Variants in DLGAP2 observed in about 807,000 individuals in gnomAD.
The protein encoded by DLGAP2 is disks large-associated protein 2.
DLGAP2 carries 26 observed loss-of-function variants against 100.3 expected under a neutral mutation model. That is an observed-to-expected ratio of 0.26 (90% confidence interval 0.19 to 0.36). The LOEUF (loss-of-function observed/expected upper bound fraction) is 0.36. Ranked by LOEUF, DLGAP2 falls within the 10% of genes least tolerant of loss-of-function variation. The probability of loss-of-function intolerance (pLI) is 1.00; values close to 1 mark genes in which losing one functional copy is unlikely to be tolerated. For synonymous variants in DLGAP2, 886 were observed against 630.1 expected (o/e 1.41, Z -6.08); for missense variants, 1,858 against 1,453.2 (o/e 1.28, Z -4.53).
chr8:1,673,009 G>A (rs1563054957), intron 10 of DLGAP2, among the ~76,000 whole-genome samples: 1 of 152,380 alleles, frequency 6.6e-6, no homozygotes, highest in East Asian at 1.9e-4. Flanking sequence ...GGGCTCAGAG[G>A]AGGCTGGTTG....
intron 3 of DLGAP2, among the ~76,000 whole-genome samples, chr8:1,260,904 G>A (rs766664883): frequency 1.3e-5 from 2 of 152,214 alleles, no homozygotes; most frequent in Admixed American, 6.5e-5. Context: ...CACCACTGAC[G>A]TCAGGCCAGA....
intron 3 of DLGAP2, among the ~76,000 whole-genome samples, chr8:1,491,683 T>C (rs1799396269): frequency 6.6e-6 from 1 of 152,222 alleles, no homozygotes; most frequent in Admixed American, 6.5e-5. Context: ...GGTGTCACTT[T>C]TCATGCGAAC....
chr8:936,677 T>A (rs1157075948), intron 2 of DLGAP2, among the ~76,000 whole-genome samples: 1 of 152,088 alleles, frequency 6.6e-6, no homozygotes, highest in African/African-American at 2.4e-5. Context: ...GCAAGCTGAG[T>A]GCAAGGTCCT....
intron 2 of DLGAP2, among the ~76,000 whole-genome samples, chr8:996,104 A>G (rs925667057): frequency 2.6e-5 from 4 of 152,160 alleles, no homozygotes; most frequent in Non-Finnish European, 5.9e-5. Context: ...TCAGACCAGT[A>G]TGCTGTGTTC....
intron 6 of DLGAP2, among the ~76,000 whole-genome samples, chr8:1,597,274 G>A (rs759978759): frequency 1.3e-5 from 2 of 152,148 alleles, no homozygotes; most frequent in South Asian, 2.1e-4. Flanking sequence ...TGGCCTTGTA[G>A]TATAGTTTGA....
chr8:1,081,576 C>T lies in DLGAP2; in HGVS notation c.73+173610C>T, dbSNP rs145965136. On this transcript the variant is annotated intron_variant, in intron 2 of 14. Coordinates refer to ENST00000637795, the MANE Select transcript of DLGAP2 (RefSeq NM_001346810.2). The stretch of plus-strand genomic sequence containing the variant: ...ATGTTGGCCAGGCTGGTCTTGAAAC[C>T]CTGTCCTCAAGTGATCCTCCTGCCT... Among the ~76,000 whole-genome samples, 935 of 152,286 alleles carry T rather than the reference C, an allele frequency of 6.1e-3. 18 individuals carry two copies. The highest frequency in any genetic ancestry group is 0.033 in the Admixed American group (510 of 15,292).
chr8:1,191,071 G>T (rs1399742199), intron 2 of DLGAP2, among the ~76,000 whole-genome samples: 1 of 152,130 alleles, frequency 6.6e-6, no homozygotes, highest in Non-Finnish European at 1.5e-5. Context: ...GAGAGGCTGG[G>T]TTCTGAAGCT....
chr8:1,606,572 G>A lies in DLGAP2; in HGVS notation c.1443-20168G>A, dbSNP rs547906815. 9.2e-5 allele frequency among the ~76,000 whole-genome samples: 14 copies of A among 152,314 alleles called. No individual in the cohort carries two copies. The South Asian group carries it at 2.9e-3, about 32-fold the overall frequency. ...CAGAACTGCAATTCTTTTTATGATG[G>A]AAGCATATTCCATTGTATGGATAGA... On this transcript the variant is annotated intron_variant, in intron 6 of 14. Transcript: ENST00000637795.
At chr8:1,366,680 G>T (rs1218401576) in intron 3 of DLGAP2, among the ~76,000 whole-genome samples, 2 of 152,158 alleles carry the variant, frequency 1.3e-5, no homozygotes, top group Admixed American at 6.5e-5. Flanking sequence ...AAAGGGGCAG[G>T]ACAGGAGGTG....
chr8:1,602,900 A>C (rs1796672632), intron 6 of DLGAP2, among the ~76,000 whole-genome samples: 1 of 152,224 alleles, frequency 6.6e-6, no homozygotes, highest in Non-Finnish European at 1.5e-5. Context: ...TAGCACCCTA[A>C]AGGTGTCGAG....
In DLGAP2 at chr8:1,180,026, T is replaced by C. The variant is rs75219729; in HGVS notation, c.74-78825T>C. On this transcript the variant is annotated intron_variant, in intron 2 of 14. Coordinates refer to ENST00000637795, the MANE Select transcript of DLGAP2 (RefSeq NM_001346810.2). ...AGCCAGTTAAAGTGAACACATAATT[T>C]TTTTATTTGAATGGAGAAGCACTGG... 9.3e-3 allele frequency among the ~76,000 whole-genome samples: 1,416 copies of C among 152,352 alleles called. 29 individuals are homozygous for C. Among genetic ancestry groups the C allele is most frequent in the Admixed American group, 0.05 (769 of 15,304 alleles).
intron 4 of DLGAP2, among the ~76,000 whole-genome samples, chr8:1,548,079 G>T (rs1427034125): frequency 1.3e-5 from 2 of 152,106 alleles, no homozygotes; most frequent in Non-Finnish European, 2.9e-5. Flanking sequence ...CAAGAGACCT[G>T]TTCAATCTAC....
chr8:961,275 G>T (rs143510850), intron 2 of DLGAP2, among the ~76,000 whole-genome samples: 1 of 152,310 alleles, frequency 6.6e-6, no homozygotes, highest in East Asian at 1.9e-4. Flanking sequence ...GACCCCTTCA[G>T]TCATTCCAGA....
chr8:1,211,703 C>G (rs1563256505), intron 2 of DLGAP2, among the ~76,000 whole-genome samples: 2 of 152,108 alleles, frequency 1.3e-5, no homozygotes, highest in Non-Finnish European at 2.9e-5. Context: ...TGGAGAAACC[C>G]TGTCTCTACT....
At chr8:1,537,576 A>T (rs1346158829) in intron 4 of DLGAP2, among the ~76,000 whole-genome samples, 1 of 152,088 alleles carries the variant, frequency 6.6e-6, no homozygotes, top group Non-Finnish European at 1.5e-5. Context: ...TTAGACTTTG[A>T]ACACCAGATC....
chr8:1,141,634 T>C (rs1300474031), intron 2 of DLGAP2, among the ~76,000 whole-genome samples: 1 of 152,018 alleles, frequency 6.6e-6, no homozygotes, highest in Non-Finnish European at 1.5e-5. Flanking sequence ...AAGACATGGG[T>C]AAGTATTAGC....
intron 2 of DLGAP2, among the ~76,000 whole-genome samples, chr8:1,207,382 A>T (rs765330904): frequency 3.3e-5 from 5 of 152,212 alleles, no homozygotes; most frequent in Non-Finnish European, 7.3e-5. Context: ...CTCCAACTCC[A>T]TCCAGGCTGC....
chr8:995,686 A>G (rs556475467), intron 2 of DLGAP2, among the ~76,000 whole-genome samples: 95 of 152,366 alleles, frequency 6.2e-4, no homozygotes, highest in African/African-American at 1.9e-3. Context: ...GAAGTGACTC[A>G]GCATGGGTTG....
chr8:858,052 T>C (rs942751039), intron 1 of DLGAP2, among the ~76,000 whole-genome samples: 1 of 152,160 alleles, frequency 6.6e-6, no homozygotes, highest in African/African-American at 2.4e-5. Context: ...TATTAGGGTT[T>C]CACCGTGTTG....
Sources: gnomAD v4.1 joint callset for allele counts (sites outside exome capture counted in the v4.1 genomes callset) on GRCh38, gnomAD v4.1.1 for gene constraint, MANE v1.5 for transcripts, NCBI Gene and HGNC (gene_info 2026-07-23, HGNC 2026-07-21) for gene names.